The following ACSS3 variants were observed in gnomAD, a reference collection of about 807,000 sequenced individuals.
ACSS3 encodes the protein acyl-CoA synthetase short-chain family member 3, mitochondrial.
A neutral mutation model predicts 84.2 loss-of-function variants in ACSS3; 64 were observed. That is an observed-to-expected ratio of 0.76 (90% confidence interval 0.62 to 0.94). The LOEUF is 0.94. ACSS3 is among the 40% of genes least tolerant of loss of function. ACSS3 has a pLI of 0.00. For missense variants in ACSS3, 815 were observed against 867.6 expected, an observed-to-expected ratio of 0.94 and a Z score of 0.76; for synonymous variants, 317 against 310.1, an observed-to-expected ratio of 1.02 and a Z score of -0.23.
At chr12:81,080,375 T>TGTTTAATGATTTGTTTAAATG (rs1880893322) in intron 1 of ACSS3, among the ~76,000 whole-genome samples, 2 of 151,764 alleles carry the variant, frequency 1.3e-5, no homozygotes, top group African/African-American at 2.4e-5. Flanking sequence ...TTAAATGGTG[T>TGTTTAATGATTTGTTTAAATG]GTATAAGATG....
intron 8 of ACSS3, among the ~76,000 whole-genome samples, chr12:81,177,453 T>C (rs1297829246): frequency 7.2e-6 from 1 of 138,328 alleles, no homozygotes; most frequent in Non-Finnish European, 1.7e-5. Context: ...GATAAACAAC[T>C]TCAGTAAAGT....
At chr12:81,163,679 A>G (rs1595123) in intron 7 of ACSS3, among the ~76,000 whole-genome samples, 7 of 152,258 alleles carry the variant, frequency 4.6e-5, no homozygotes, top group Admixed American at 3.3e-4. Context: ...AATTGTGGAG[A>G]TGGAAGACAG....
chr12:81,229,267 C>A (rs889871484), intron 11 of ACSS3, among the ~76,000 whole-genome samples: 1 of 151,790 alleles, frequency 6.6e-6, no homozygotes, highest in South Asian at 2.1e-4. Context: ...AATATGCAAG[C>A]AGAATGAATC....
chr12:81,132,645 C>A (rs1484989550), intron 2 of ACSS3, among the ~76,000 whole-genome samples: 1 of 152,020 alleles, frequency 6.6e-6, no homozygotes, highest in Non-Finnish European at 1.5e-5. Context: ...CTGCTCTGAT[C>A]TTAGTTATTT....
At chr12:81,228,965 G>T (rs1340275512) in intron 11 of ACSS3, among the ~76,000 whole-genome samples, 2 of 151,674 alleles carry the variant, frequency 1.3e-5, no homozygotes, top group Non-Finnish European at 2.9e-5. Flanking sequence ...CAGATATTTG[G>T]ATCAGCACTC....
chr12:81,088,166 T>C (rs1056679638), intron 1 of ACSS3, among the ~76,000 whole-genome samples: 3 of 152,076 alleles, frequency 2.0e-5, no homozygotes, highest in African/African-American at 7.2e-5. Context: ...TCATCTACCA[T>C]GGCCATTTGG....
intron 1 of ACSS3, among the ~76,000 whole-genome samples, chr12:81,085,244 G>T (rs1881236184): frequency 6.6e-6 from 1 of 152,182 alleles, no homozygotes; most frequent in Admixed American, 6.5e-5. Context: ...GGTTGCAAAA[G>T]TCTCAGAATT....
chr12:81,147,454 A>C (rs1886395055), intron 5 of ACSS3, among the ~76,000 whole-genome samples: 1 of 152,208 alleles, frequency 6.6e-6, no homozygotes, highest in African/African-American at 2.4e-5. Flanking sequence ...CACTGTGCTC[A>C]AAGTGGTGGA....
chr12:81,162,379 A>G (rs1887194335), intron 7 of ACSS3, among the ~76,000 whole-genome samples: 2 of 152,114 alleles, frequency 1.3e-5, no homozygotes, highest in African/African-American at 4.8e-5. Context: ...AAGTCATCCC[A>G]TTGAGTCTGC....
At chr12:81,106,461 A>T (rs1373969887) in intron 1 of ACSS3, among the ~76,000 whole-genome samples, 1 of 152,166 alleles carries the variant, frequency 6.6e-6, no homozygotes, top group Admixed American at 6.5e-5. Flanking sequence ...ATATGTTATA[A>T]TGTAATAATA....
intron 2 of ACSS3, among the ~76,000 whole-genome samples, chr12:81,120,957 T>C (rs1436127747): frequency 6.6e-6 from 1 of 152,224 alleles, no homozygotes; most frequent in African/African-American, 2.4e-5. Context: ...TACCATGATC[T>C]ATGTTTGTTT....
chr12:81,182,680 T>C (rs1300111303), intron 8 of ACSS3, among the ~76,000 whole-genome samples: 1 of 152,222 alleles, frequency 6.6e-6, no homozygotes, highest in Non-Finnish European at 1.5e-5. Flanking sequence ...TAAAAAAGTA[T>C]ATCTGTAAGA....
intron 7 of ACSS3, among the ~76,000 whole-genome samples, chr12:81,173,348 A>G (rs2030220618): frequency 1.3e-5 from 2 of 152,206 alleles, no homozygotes; most frequent in Admixed American, 6.5e-5. Flanking sequence ...GCTTTAGACT[A>G]AACAGTTGTG....
At chr12:81,204,126 G>T (rs1322076653) in intron 9 of ACSS3, among the ~76,000 whole-genome samples, 1 of 151,924 alleles carries the variant, frequency 6.6e-6, no homozygotes, top group Non-Finnish European at 1.5e-5. Context: ...GGTGGCCTTC[G>T]TGGGATTTTT....
At chr12:81,113,226 G>A (rs1883750306) in intron 2 of ACSS3, among the ~76,000 whole-genome samples, 1 of 152,090 alleles carries the variant, frequency 6.6e-6, no homozygotes. Flanking sequence ...ACAAGTGAAG[G>A]CAGCCAACTC....
intron 7 of ACSS3, 41 bp downstream of exon 7, chr12:81,152,137 T>C (rs1032592364): frequency 2.0e-5 from 31 of 1,535,792 alleles, no homozygotes; most frequent in Non-Finnish European, 2.6e-5. Flanking sequence ...ATGATATTTA[T>C]TTTATTAAAA....
At chr12:81,211,790 A>G (rs565264891) in intron 9 of ACSS3, among the ~76,000 whole-genome samples, 3 of 152,312 alleles carry the variant, frequency 2.0e-5, no homozygotes, top group South Asian at 2.1e-4. Flanking sequence ...TTAGCTTACA[A>G]TGTCACTCAG....
At chr12:81,193,812 T>C (rs987998412) in intron 8 of ACSS3, among the ~76,000 whole-genome samples, 4 of 151,768 alleles carry the variant, frequency 2.6e-5, no homozygotes, top group African/African-American at 9.7e-5. Context: ...TTTTAACTAA[T>C]TTAAATTTTA....
At chr12:81,167,656 G>A (rs573241076) in intron 7 of ACSS3, among the ~76,000 whole-genome samples, 42 of 152,264 alleles carry the variant, frequency 2.8e-4, no homozygotes, top group African/African-American at 6.3e-4. Context: ...AGCACCATTT[G>A]TCCATTCATG....
Sources: gnomAD v4.1 joint callset for allele counts (sites outside exome capture counted in the v4.1 genomes callset) on GRCh38, gnomAD v4.1.1 for gene constraint, MANE v1.5 for transcripts, NCBI Gene and HGNC (gene_info 2026-07-23, HGNC 2026-07-21) for gene names.